PDZRN4: variants seen among roughly 807,000 people sequenced by gnomAD.
PDZRN4 encodes the protein PDZ domain-containing RING finger protein 4.
PDZRN4 carries 70 observed loss-of-function variants against 99.0 expected under a neutral mutation model. The ratio of observed to expected loss-of-function variants is 0.71; its 90% CI spans 0.58 to 0.86. PDZRN4 has a LOEUF of 0.86. Ranked by LOEUF, PDZRN4 falls within the 40% of genes least tolerant of loss-of-function variation. PDZRN4 has a pLI of 0.00. For synonymous variants in PDZRN4, 551 were observed against 501.6 expected (o/e 1.10, Z -1.32); for missense variants, 1,474 against 1,331.2 (o/e 1.11, Z -1.67).
intron 3 of PDZRN4, among the ~76,000 whole-genome samples, chr12:41,241,456 G>A (rs535535120): frequency 6.6e-4 from 100 of 152,328 alleles, no homozygotes; most frequent in African/African-American, 2.0e-3. Flanking sequence ...GCGAAAGAGC[G>A]TGGGCTTTTG....
intron 3 of PDZRN4, among the ~76,000 whole-genome samples, chr12:41,472,472 A>G (rs1953003051): frequency 6.6e-6 from 1 of 152,188 alleles, no homozygotes; most frequent in Admixed American, 6.5e-5. Context: ...ATTTTCTCTG[A>G]CAGTGTTTTT....
At chr12:41,423,815 T>A (rs916013810) in intron 3 of PDZRN4, among the ~76,000 whole-genome samples, 8 of 152,110 alleles carry the variant, frequency 5.3e-5, no homozygotes, top group African/African-American at 1.9e-4. Context: ...GGAGCTGGGG[T>A]AAGAAAAGAT....
intron 7 of PDZRN4, among the ~76,000 whole-genome samples, chr12:41,559,112 T>A (rs1199869552): frequency 6.6e-6 from 1 of 152,114 alleles, no homozygotes; most frequent in Non-Finnish European, 1.5e-5. Flanking sequence ...GTAGCCAAAC[T>A]TTTCTTAATG....
At chr12:41,563,738 T>TTTATATTCATTGAATTCA in intron 8 of PDZRN4, 89 bp downstream of exon 8, 1 of 824,198 alleles carries the variant, frequency 1.2e-6, no homozygotes, top group Non-Finnish European at 2.0e-6. Flanking sequence ...ATATTCATTA[T>TTTATATTCATTGAATTCA]CTGCTATTCT....
At chr12:41,463,373 A>G (rs1390594192) in intron 3 of PDZRN4, among the ~76,000 whole-genome samples, 1 of 152,076 alleles carries the variant, frequency 6.6e-6, no homozygotes, top group Admixed American at 6.6e-5. Flanking sequence ...CTCCTAATTT[A>G]TATGTCTTGG....
intron 3 of PDZRN4, among the ~76,000 whole-genome samples, chr12:41,500,388 C>T (rs1167443689): frequency 6.6e-6 from 1 of 151,998 alleles, no homozygotes; most frequent in African/African-American, 2.4e-5. Flanking sequence ...TAGGATAAGT[C>T]TGCTTATTGT....
rs141540380 is a variant in PDZRN4, at chr12:41,504,943, C to T, written c.844-1513C>T. Among the ~76,000 whole-genome samples the T allele has an allele frequency of 1.2e-3, 180 of 152,222 alleles. 3 individuals are homozygous for T. Among genetic ancestry groups the T allele is most frequent in the African/African-American group, 4.1e-3 (172 of 41,534 alleles). ...TTTTGCTGGTGAAGAAGCTTAATTG[C>T]TCATTTTTTGAAGGCACATTAACTC... On this transcript the variant is annotated intron_variant, in intron 3 of 9. Transcript: ENST00000402685.
chr12:41,347,504 G>A (rs548935875), intron 3 of PDZRN4, among the ~76,000 whole-genome samples: 14 of 152,118 alleles, frequency 9.2e-5, no homozygotes, highest in Admixed American at 8.5e-4. Context: ...TTGTCTTTTT[G>A]TTGTTGACAT....
chr12:41,191,739 C>T (rs546627689), intron 2 of PDZRN4, among the ~76,000 whole-genome samples, 195 bp downstream of exon 2: 9 of 150,300 alleles, frequency 6.0e-5, no homozygotes, highest in Admixed American at 3.3e-4. Flanking sequence ...CAGTACATAC[C>T]CAGATTTTAT....
chr12:41,410,318 G>A (rs1370168606), intron 3 of PDZRN4, among the ~76,000 whole-genome samples: 1 of 152,052 alleles, frequency 6.6e-6, no homozygotes, highest in Non-Finnish European at 1.5e-5. Flanking sequence ...CTCATATGCT[G>A]GGAAATACAC....
chr12:41,234,814 AC>A (rs879527331), intron 3 of PDZRN4, among the ~76,000 whole-genome samples: 1 of 152,130 alleles, frequency 6.6e-6, no homozygotes, highest in Non-Finnish European at 1.5e-5. Context: ...ACTTAACCCT[AC>A]GACAGATGGA....
At chr12:41,271,072 T>C (rs2120859277) in intron 3 of PDZRN4, among the ~76,000 whole-genome samples, 1 of 152,262 alleles carries the variant, frequency 6.6e-6, no homozygotes, top group South Asian at 2.1e-4. Flanking sequence ...TTTATATTAT[T>C]TTTCATTTTG....
At chr12:41,420,579 C>T (rs1592052953) in intron 3 of PDZRN4, among the ~76,000 whole-genome samples, 1 of 152,112 alleles carries the variant, frequency 6.6e-6, no homozygotes, top group African/African-American at 2.4e-5. Flanking sequence ...TACATAGCTC[C>T]CCTGCCTGGT....
At chr12:41,334,472 T>C (rs1188086607) in intron 3 of PDZRN4, among the ~76,000 whole-genome samples, 1 of 151,762 alleles carries the variant, frequency 6.6e-6, no homozygotes, top group African/African-American at 2.4e-5. Context: ...TTTGCTGAGA[T>C]CCTTCTCTGA....
chr12:41,487,783 C>T (rs530489590), intron 3 of PDZRN4, among the ~76,000 whole-genome samples: 6 of 152,182 alleles, frequency 3.9e-5, no homozygotes, highest in East Asian at 1.9e-4. Context: ...CTTTCCACAT[C>T]GTGCTCAGCC....
At chr12:41,380,306 T>C (rs1952114660) in intron 3 of PDZRN4, among the ~76,000 whole-genome samples, 1 of 152,092 alleles carries the variant, frequency 6.6e-6, no homozygotes, top group South Asian at 2.1e-4. Flanking sequence ...AGCCACTCTG[T>C]CTTTTGATTT....
chr12:41,448,404 A>T (rs1247618641), intron 3 of PDZRN4, among the ~76,000 whole-genome samples: 1 of 152,122 alleles, frequency 6.6e-6, no homozygotes, highest in East Asian at 1.9e-4. Flanking sequence ...TTTGCCACTT[A>T]CGGAGTTTTC....
At position 41,443,758 on chromosome 12, in the gene PDZRN4, T is replaced by A. The variant is rs542409142; in HGVS notation, c.844-62698T>A. 3.9e-5 allele frequency among the ~76,000 whole-genome samples: 6 copies of A among 152,106 alleles called. No individual in the cohort carries two copies. The South Asian group carries it at 1.0e-3, about 26-fold the overall frequency. On this transcript the variant is annotated intron_variant, in intron 3 of 9. Transcript: ENST00000402685. ...TTGAGACTGGGTTGATGTCATGAAG[T>A]TTACAGAGAGAAGAAATAAAAGAAG...
rs1325969231 is a variant in PDZRN4 at position 41,261,970 on chromosome 12, CA to C, written c.843+67783del. ...GTGGTGGGCAAGAATGGGAAGGGTA[CA>C]GAATGGGCAGCCTGAAGTCCTGAAG... On this transcript the variant is annotated intron_variant, in intron 3 of 9. Coordinates refer to ENST00000402685, the MANE Select transcript of PDZRN4 (RefSeq NM_001164595.2). Among the ~76,000 whole-genome samples, 6 of 152,206 alleles carry C rather than the reference CA, an allele frequency of 3.9e-5. No individual in the cohort carries two copies. The East Asian group carries it at 1.2e-3, about 29-fold the overall frequency.
Sources: gnomAD v4.1 joint callset for allele counts (sites outside exome capture counted in the v4.1 genomes callset) on GRCh38, gnomAD v4.1.1 for gene constraint, MANE v1.5 for transcripts, NCBI Gene and HGNC (gene_info 2026-07-23, HGNC 2026-07-21) for gene names.